Variants in NUP85 observed in about 807,000 individuals in gnomAD.
NUP85 encodes nuclear pore complex protein Nup85.
Under a neutral mutation model 92.8 loss-of-function variants are expected in NUP85, and 23 were observed. The observed-to-expected ratio is 0.25, with a 90% CI of 0.18 to 0.35. The LOEUF is 0.35. NUP85 is among the 10% of genes least tolerant of loss of function. NUP85 has a pLI of 1.00. For missense variants in NUP85, 759 were observed against 822.8 expected, an observed-to-expected ratio of 0.92 and a Z score of 0.95; for synonymous variants, 314 against 306.9, an observed-to-expected ratio of 1.02 and a Z score of -0.24.
intron 6 of NUP85, among the ~76,000 whole-genome samples, chr17:75,217,891 A>G (rs2075480543): frequency 6.6e-6 from 1 of 152,160 alleles, no homozygotes; most frequent in East Asian, 1.9e-4. Context: ...TTATGTAGCT[A>G]TTAAGTATTT....
At chr17:75,211,930 C>T (rs2075270947) in intron 3 of NUP85, 62 bp from the exon 4 acceptor site, 1 of 1,302,066 alleles carries the variant, frequency 7.7e-7, no homozygotes. Flanking sequence ...TGAGTGTTTC[C>T]TTCCTTTGTG....
At chr17:75,232,778 G>GGT in intron 14 of NUP85, 73 bp from the exon 15 acceptor site, 1 of 1,350,378 alleles carries the variant, frequency 7.4e-7, no homozygotes, top group Non-Finnish European at 1.1e-6. Context: ...AGGCCACTCC[G>GGT]GTCCCCACAG....
At chr17:75,221,096 G>A (rs769811480) in intron 7 of NUP85, among the ~76,000 whole-genome samples, 3 of 152,104 alleles carry the variant, frequency 2.0e-5, no homozygotes, top group African/African-American at 4.8e-5. Flanking sequence ...TGTTAGCCAG[G>A]ATGGTCTCGA....
intron 14 of NUP85, 128 bp from the exon 15 acceptor site, chr17:75,232,723 G>C (rs1399203675): frequency 1.2e-6 from 1 of 803,496 alleles, no homozygotes; most frequent in Non-Finnish European, 2.2e-6. Context: ...CGATCCAGCT[G>C]CATTTAGAGC....
chr17:75,229,113 A>G, intron 11 of NUP85: 1 of 985,454 alleles, frequency 1.0e-6, no homozygotes, highest in East Asian at 1.1e-4. Flanking sequence ...CAAGTCCTCC[A>G]AAAGTATCGA....
intron 7 of NUP85, among the ~76,000 whole-genome samples, chr17:75,219,301 G>C (rs1266868184): frequency 6.6e-6 from 1 of 152,218 alleles, no homozygotes; most frequent in Non-Finnish European, 1.5e-5. Context: ...TTTAGAGACA[G>C]GGTTTCGCTT....
chr17:75,228,072 C>A, intron 11 of NUP85: 1 of 408,940 alleles, frequency 2.4e-6, no homozygotes, highest in Non-Finnish European at 3.3e-6. Flanking sequence ...GGTGTCTCTG[C>A]CCATAGTTGA....
chr17:75,235,696 G>T lies in NUP85; in HGVS notation c.*17G>T, dbSNP rs755145447. Reference sequence around the variant, plus strand: ...GGTTCCTGAGAACTGCTTCAATGTGGTATCTTTGTATGGCAATGTATATAG... The same window carrying T: ...GGTTCCTGAGAACTGCTTCAATGTGTTATCTTTGTATGGCAATGTATATAG... On this transcript the variant is annotated 3_prime_UTR_variant, in exon 19 of 19. Transcript: ENST00000245544. 1.3e-6 allele frequency: 2 copies of T among 1,519,898 alleles called. No homozygotes were observed. The highest frequency in any genetic ancestry group is 1.4e-5 in the African/African-American group (1 of 72,106). The allele number at this position is 1,519,898 out of a possible 1,614,324, so 94.2% of individuals were successfully genotyped here. A position where few individuals can be genotyped will look rare whatever the true frequency, so the allele number is the denominator to read the frequency against.
rs1372481230 is a variant in NUP85 at position 75,231,657 on chromosome 17, G to C, written c.1244+19G>C. The C allele has an allele frequency of 9.9e-6, 16 of 1,613,672 alleles. No homozygotes were observed. Among genetic ancestry groups the C allele is most frequent in the Non-Finnish European group, 1.3e-5 (15 of 1,179,730 alleles). Reference sequence around the variant, plus strand: ...ATCCCAGGTAGGAAGGACCCCATGGGTGTGGGCTATGCGGGTGCTCTTCAG... The same window carrying C: ...ATCCCAGGTAGGAAGGACCCCATGGCTGTGGGCTATGCGGGTGCTCTTCAG... On this transcript the variant is annotated intron_variant, in intron 13 of 18. Transcript: ENST00000245544. The surrounding 1 kb of genome is among the most constrained non-coding windows in gnomAD (Gnocchi z 4.6).
intron 7 of NUP85, among the ~76,000 whole-genome samples, chr17:75,219,749 T>G (rs2075542279): frequency 6.6e-6 from 1 of 151,952 alleles, no homozygotes; most frequent in African/African-American, 2.4e-5. Context: ...TCTGCCAAGG[T>G]GCCAAGAAGG....
At chr17:75,210,918 G>T (rs2075238470) in intron 3 of NUP85, among the ~76,000 whole-genome samples, 1 of 151,018 alleles carries the variant, frequency 6.6e-6, no homozygotes, top group African/African-American at 2.4e-5. Context: ...AGCCAGGATG[G>T]TCTCGATCTC....
intron 14 of NUP85, 68 bp downstream of exon 14, chr17:75,232,047 T>C (rs1487202872): frequency 6.4e-7 from 1 of 1,556,066 alleles, no homozygotes; most frequent in Non-Finnish European, 8.8e-7. Context: ...GAGGTCACAC[T>C]TTATGCCTAC....
At chr17:75,205,934 G>A in intron 1 of NUP85, 140 bp downstream of exon 1, 1 of 995,832 alleles carries the variant, frequency 1.0e-6, no homozygotes, top group Non-Finnish European at 1.5e-6. Context: ...TTTTCCGGAG[G>A]TCGCAGTGTT....
In NUP85 at chr17:75,231,098, A is replaced by AT; in HGVS notation, c.1095-237dup. On this transcript the variant is annotated intron_variant, in intron 11 of 18. Coordinates refer to ENST00000245544, the MANE Select transcript of NUP85 (RefSeq NM_024844.5). This position sits in a 1 kb window ranked among gnomAD's most constrained non-coding sequence, Gnocchi z 4.6. ...AGGTGTGTGCCACCATGCCTGGCTA[A>AT]TTTTTGTATTTGTAGAGATGGGGTT... is the stretch of plus-strand genomic sequence containing the variant. The AT allele has an allele frequency of 2.1e-6, 1 of 477,374 alleles. No homozygotes were observed. Among genetic ancestry groups the AT allele is most frequent in the Non-Finnish European group, 3.9e-6 (1 of 259,032 alleles). The allele number at this position is 477,374 out of a possible 1,614,324, so 29.6% of individuals were successfully genotyped here. A position where few individuals can be genotyped will look rare whatever the true frequency, so the allele number is the denominator to read the frequency against.
intron 11 of NUP85, chr17:75,228,136 A>C (rs1406357642): frequency 1.0e-6 from 1 of 960,424 alleles, no homozygotes; most frequent in Non-Finnish European, 1.2e-6. Flanking sequence ...AGGGCTTCCT[A>C]ATTTATAAGC....
chr17:75,233,473 C>G (rs2076180748), intron 16 of NUP85, among the ~76,000 whole-genome samples: 1 of 106,194 alleles, frequency 9.4e-6, no homozygotes, highest in Non-Finnish European at 1.8e-5. Context: ...CTTACTCGCT[C>G]TGTGGCCCAG....
Position 75,231,326 on chromosome 17 carries a change from G to A in NUP85, c.1095-14G>A, listed in dbSNP as rs984056921. 1.3e-5 allele frequency: 21 copies of A among 1,614,140 alleles called. No homozygotes were observed. Among genetic ancestry groups the A allele is most frequent in the East Asian group, 4.5e-5 (2 of 44,884 alleles). On this transcript the variant is annotated splice_polypyrimidine_tract_variant and intron_variant, in intron 11 of 18. Transcript: ENST00000245544. This position sits in a 1 kb window ranked among gnomAD's most constrained non-coding sequence, Gnocchi z 4.6. ...CCCTGATTTTCCTTCTTGCCTTGGT[G>A]TCTGAATCTGCAGCATCGCCCTGAG...
Position 75,231,585 on chromosome 17 carries a change from C to T in NUP85, c.1191C>T (p.Asn397=), listed in dbSNP as rs1169076553. ...TGTTTTATTCCAGTTTCGGTTCCAACATGAGAGAGTTCCTCCTGCTGGAGT... is the reference window on the plus strand; with the variant it reads ...TGTTTTATTCCAGTTTCGGTTCCAATATGAGAGAGTTCCTCCTGCTGGAGT... The part of the protein sequence containing the change: ...LQSHNLYFGS[N]MREFLLLEYA... The change falls in exon 13 of 19, where the codon AAC becomes AAT. Residue 397 remains asparagine (N), a synonymous_variant. Coordinates refer to ENST00000245544, the MANE Select transcript of NUP85 (RefSeq NM_024844.5). This position sits in a 1 kb window ranked among gnomAD's most constrained non-coding sequence, Gnocchi z 4.6. 3 of 1,614,216 alleles carry T rather than the reference C, an allele frequency of 1.9e-6. No individual in the cohort carries two copies. The highest frequency in any genetic ancestry group is 2.2e-5 in the East Asian group (1 of 44,882).
Position 75,225,228 on chromosome 17 carries a change from C to T in NUP85, c.723C>T (p.Pro241=). Residue 241 remains proline, a synonymous_variant, in exon 8 of 19, where the codon CCC becomes CCT. Transcript: ENST00000245544. The part of the protein sequence containing the change: ...RIMGDLMRTM[P]ILSPGNTQTL... Reference sequence around the variant, plus strand: ...TGGGGGACCTGATGAGGACAATGCCCATTCTTAGTGTACGTGGGGGTAGCT... The same window carrying T: ...TGGGGGACCTGATGAGGACAATGCCTATTCTTAGTGTACGTGGGGGTAGCT... The T allele has an allele frequency of 1.2e-6, 2 of 1,605,668 alleles. No individual in the cohort carries two copies. The highest frequency in any genetic ancestry group is 1.3e-5 in the African/African-American group (1 of 74,930).
Sources: gnomAD v4.1 joint callset for allele counts (sites outside exome capture counted in the v4.1 genomes callset) on GRCh38, gnomAD v4.1.1 for gene constraint, Gnocchi (gnomAD v3.1) non-coding constraint, MANE v1.5 for transcripts, NCBI Gene and HGNC (gene_info 2026-07-23, HGNC 2026-07-21) for gene names.